Variants in GTPBP10 observed in about 807,000 individuals in gnomAD.
GTPBP10 encodes GTP binding protein 10.
In GTPBP10, 38 loss-of-function variants were observed where a neutral mutation model predicts 44.8. The observed-to-expected ratio is 0.85, with a 90% CI of 0.65 to 1.11. The LOEUF (loss-of-function observed/expected upper bound fraction) is 1.11. Ranked by LOEUF, GTPBP10 falls within the 50% of genes most tolerant of loss-of-function variation. The pLI is 0.00. For synonymous variants in GTPBP10, 152 were observed against 150.6 expected, an observed-to-expected ratio of 1.01 and a Z score of -0.07; for missense variants, 462 against 453.7, an observed-to-expected ratio of 1.02 and a Z score of -0.17.
chr7:90,382,850 C>T (rs764959609), intron 8 of GTPBP10, 106 bp from the exon 9 acceptor site: 10 of 624,520 alleles, frequency 1.6e-5, no homozygotes, highest in Admixed American at 6.2e-5. Context: ...TATTGCATTT[C>T]GGTGATGTGA....
chr7:90,358,617 G>A (rs1415430307), intron 4 of GTPBP10, among the ~76,000 whole-genome samples: 1 of 151,992 alleles, frequency 6.6e-6, no homozygotes, highest in African/African-American at 2.4e-5. Flanking sequence ...CGAAAATTAA[G>A]ATAGATTAAA....
In GTPBP10 at chr7:90,358,696, C is replaced by T. The variant is rs147762499; in HGVS notation, c.464+3466C>T. Among the ~76,000 whole-genome samples the T allele has an allele frequency of 2.2e-4, 33 of 152,176 alleles. No individual in the cohort carries two copies. The East Asian group carries it at 6.2e-3, about 28-fold the overall frequency. ...TAGGAAAAACCCTTCTGGACATTGG[C>T]CTAGACAAAGAATCTGTGACTAAGA... On this transcript the variant is annotated intron_variant, in intron 4 of 9. Transcript: ENST00000222511.
chr7:90,376,846 A>G (rs1796351981), intron 6 of GTPBP10, among the ~76,000 whole-genome samples: 1 of 152,246 alleles, frequency 6.6e-6, no homozygotes, highest in East Asian at 1.9e-4. Context: ...ATAACCTCAT[A>G]GATTTTTACG....
intron 4 of GTPBP10, among the ~76,000 whole-genome samples, chr7:90,357,631 A>G (rs1795929895): frequency 6.6e-6 from 1 of 152,206 alleles, no homozygotes; most frequent in Non-Finnish European, 1.5e-5. Flanking sequence ...AAATTTGAAT[A>G]AGAACTCTGT....
At chr7:90,378,331 A>G (rs1380848665) in intron 8 of GTPBP10, 120 bp downstream of exon 8, 1 of 1,261,838 alleles carries the variant, frequency 7.9e-7, no homozygotes, top group Non-Finnish European at 1.0e-6. Flanking sequence ...ATGTCAGTTA[A>G]AGAATTACTT....
At position 90,354,542 on chromosome 7, in the gene GTPBP10, A is replaced by C. The variant is rs779537008; in HGVS notation, c.312A>C (p.Lys104Asn). ...VGISVTDENG[K>N]IIGELNKEND... The stretch of plus-strand genomic sequence containing the variant: ...TTTCAGTAACTGATGAAAATGGTAA[A>C]ATTATAGGTGAGTGTACTATAACTC... Residue 104 changes from lysine to asparagine, a missense_variant, in exon 3 of 10, where the codon AAA (lysine) becomes AAC (asparagine). Coordinates refer to ENST00000222511, the MANE Select transcript of GTPBP10 (RefSeq NM_033107.4). 30 of 1,550,948 alleles carry C rather than the reference A, an allele frequency of 1.9e-5. No homozygotes were observed. The Middle Eastern group carries it at 6.8e-4, about 35-fold the overall frequency.
In GTPBP10 at chr7:90,384,915, A is replaced by C. The variant is rs1461980600; in HGVS notation, c.925A>C (p.Asn309His). ...PKDFLHLFEK[N>H]MIPERTVEFQ... is the part of the protein sequence containing the mutation. The stretch of plus-strand genomic sequence containing the variant: ...AGATTTTCTGCATTTATTTGAAAAA[A>C]ACATGATTCCAGAGAGGACTGTAGA... Residue 309 changes from asparagine to histidine, a missense_variant, in exon 10 of 10, where the codon AAC (asparagine) becomes CAC (histidine). Physicochemically the swap from Asn to His is moderately conservative, Grantham distance 68 (BLOSUM62 1). Transcript: ENST00000222511. 4.4e-6 allele frequency: 7 copies of C among 1,589,554 alleles called. No homozygotes were observed. The African/African-American group carries it at 8.2e-5, about 19-fold the overall frequency.
Position 90,388,776 on chromosome 7 carries a change from A to G in GTPBP10, c.*3622A>G, listed in dbSNP as rs1796568234. On this transcript the variant is annotated 3_prime_UTR_variant, in exon 10 of 10. Coordinates refer to ENST00000222511, the MANE Select transcript of GTPBP10 (RefSeq NM_033107.4). ...ATGAAGGTTAGAGATTCCTTTCAGT[A>G]GTTAATGAAAGCTACAGACTTGTCT... 6.6e-6 allele frequency: 1 copy of G among 152,220 alleles called. No homozygotes were observed. Among genetic ancestry groups the G allele is most frequent in the Non-Finnish European group, 1.5e-5 (1 of 68,032 alleles). The allele number at this position is 152,220 out of a possible 1,614,324, so 9.4% of individuals were successfully genotyped here.
rs1409618061 is a variant in GTPBP10, at chr7:90,387,527, T to C, written c.*2373T>C. ...CTGATTTGACAACATGAGTGATGTT[T>C]TCCCAGTATTATTTCAATTATATTT... On this transcript the variant is annotated 3_prime_UTR_variant, in exon 10 of 10. Transcript: ENST00000222511. 6.6e-6 allele frequency: 1 copy of C among 152,218 alleles called. No individual in the cohort carries two copies. The highest frequency in any genetic ancestry group is 1.5e-5 in the Non-Finnish European group (1 of 68,030). 9.4% of individuals were successfully genotyped at this position (152,218 alleles called of 1,614,324 possible).
chr7:90,365,559 G>A lies in GTPBP10; in HGVS notation c.465-6596G>A, dbSNP rs575982283. Among the ~76,000 whole-genome samples the A allele has an allele frequency of 7.7e-4, 116 of 151,278 alleles. 1 individual carries two copies. The highest frequency in any genetic ancestry group is 2.6e-3 in the African/African-American group (106 of 41,290). On this transcript the variant is annotated intron_variant, in intron 4 of 9. Coordinates refer to ENST00000222511, the MANE Select transcript of GTPBP10 (RefSeq NM_033107.4). ...CCCGGCTAATTTTTTTGTATTTTTA[G>A]TAGAGACGGGGTTTCACCGTTTTAG...
Position 90,387,814 on chromosome 7 carries a change from A to T in GTPBP10, c.*2660A>T, listed in dbSNP as rs1039471268. 4 of 152,224 alleles carry T rather than the reference A, an allele frequency of 2.6e-5. No individual in the cohort carries two copies. Among genetic ancestry groups the T allele is most frequent in the African/African-American group, 9.7e-5 (4 of 41,448 alleles). The allele number at this position is 152,224 out of a possible 1,614,324, so 9.4% of individuals were successfully genotyped here. ...ATAAGAGTGAGGAAAAGCGTTTGGA[A>T]TTTATAGTGATCACAGTGACCAGGT... On this transcript the variant is annotated 3_prime_UTR_variant, in exon 10 of 10. Coordinates refer to ENST00000222511, the MANE Select transcript of GTPBP10 (RefSeq NM_033107.4).
chr7:90,383,053 T>C lies in GTPBP10; in HGVS notation c.875T>C (p.Leu292Ser), dbSNP rs750041159. The change falls in exon 9 of 10, where the codon TTG becomes TCG. Residue 292 changes from leucine (L) to serine (S), a missense_variant. Physicochemically the swap from Leu to Ser is moderately radical, Grantham distance 145. Transcript: ENST00000222511. ...LPDAQDKFHE[L>S]MSQLQNPKDF... ...GATGCCCAAGATAAGTTCCATGAAT[T>C]GATGAGCCAGCTCCAGAATCCTAAA... is the stretch of plus-strand genomic sequence containing the variant. 7 of 1,585,300 alleles carry C rather than the reference T, an allele frequency of 4.4e-6. No homozygotes were observed.
rs756313036 is a variant in GTPBP10, at chr7:90,389,012, C to G, written c.*3858C>G. 8 of 152,116 alleles carry G rather than the reference C, an allele frequency of 5.3e-5. No individual in the cohort carries two copies. Among genetic ancestry groups the G allele is most frequent in the Non-Finnish European group, 1.2e-4 (8 of 68,020 alleles). The allele number at this position is 152,116 out of a possible 1,614,324, so 9.4% of individuals were successfully genotyped here. ...AAATTAGTAATATAACTTGTGTAAACCTACACAAAAGATAAAAGATATCTT... is the reference window on the plus strand; with the variant it reads ...AAATTAGTAATATAACTTGTGTAAAGCTACACAAAAGATAAAAGATATCTT... On this transcript the variant is annotated 3_prime_UTR_variant, in exon 10 of 10. Coordinates refer to ENST00000222511, the MANE Select transcript of GTPBP10 (RefSeq NM_033107.4).
chr7:90,380,637 A>G (rs192795297), intron 8 of GTPBP10, among the ~76,000 whole-genome samples: 55 of 152,350 alleles, frequency 3.6e-4, no homozygotes, highest in African/African-American at 1.3e-3. Context: ...ATCATCTTAC[A>G]TACTATTTTA....
At chr7:90,373,681 GA>G (rs1375115557) in intron 5 of GTPBP10, among the ~76,000 whole-genome samples, 4 of 152,084 alleles carry the variant, frequency 2.6e-5, no homozygotes, top group Admixed American at 1.3e-4. Flanking sequence ...GAAGGAACTA[GA>G]AAAATTTCAG....
rs1210225294 is a variant in GTPBP10, at chr7:90,390,991, A to T, written c.*5837A>T. On this transcript the variant is annotated 3_prime_UTR_variant, in exon 10 of 10. Transcript: ENST00000222511. The stretch of plus-strand genomic sequence containing the variant: ...TGACTTTGGATGGATTTGAAACATG[A>T]TTAAATGACAGAGTAAATAAAAGCC... 2.0e-5 allele frequency: 3 copies of T among 152,212 alleles called. No individual in the cohort carries two copies. Among genetic ancestry groups the T allele is most frequent in the Non-Finnish European group, 4.4e-5 (3 of 68,030 alleles). 9.4% of individuals were successfully genotyped at this position (152,212 alleles called of 1,614,324 possible).
chr7:90,383,163 C>T, intron 9 of GTPBP10, 84 bp downstream of exon 9: 4 of 996,700 alleles, frequency 4.0e-6, no homozygotes, highest in Non-Finnish European at 5.5e-6. Context: ...GGAAAACTGA[C>T]AGTTTCTGCT....
At chr7:90,361,041 G>A (rs183993733) in intron 4 of GTPBP10, among the ~76,000 whole-genome samples, 1 of 152,302 alleles carries the variant, frequency 6.6e-6, no homozygotes, top group East Asian at 1.9e-4. Flanking sequence ...GGGCTGAGAC[G>A]ATGGTGTTTT....
At chr7:90,352,718 C>A (rs1425917924) in intron 1 of GTPBP10, 98 bp from the exon 2 acceptor site, 5 of 943,950 alleles carry the variant, frequency 5.3e-6, no homozygotes, top group African/African-American at 3.3e-5. Flanking sequence ...CTATTAACGA[C>A]TTTTTTAGAA....
Sources: gnomAD v4.1 joint callset for allele counts (sites outside exome capture counted in the v4.1 genomes callset) on GRCh38, gnomAD v4.1.1 for gene constraint, MANE v1.5 for transcripts, NCBI Gene and HGNC (gene_info 2026-07-23, HGNC 2026-07-21) for gene names.